Variants in RAB2B observed in about 807,000 individuals in gnomAD.
The protein encoded by RAB2B is RAB2B, member RAS oncogene family, also known as ras-related protein Rab-2B.
In RAB2B, 20 loss-of-function variants were observed where a neutral mutation model predicts 29.8. That is an observed-to-expected ratio of 0.67 (90% CI 0.47 to 0.97). The LOEUF is 0.97. Among genes scored for constraint, RAB2B ranks in the 50% least tolerant of loss-of-function variants. The pLI is 0.00. For synonymous variants in RAB2B, 93 were observed against 91.7 expected (o/e 1.01, Z -0.08); for missense variants, 218 against 272.0 (o/e 0.80, Z 1.40).
intron 3 of RAB2B, chr14:21,474,637 T>C: frequency 2.1e-6 from 1 of 469,214 alleles, no homozygotes; most frequent in Non-Finnish European, 3.8e-6. Flanking sequence ...ATTTATATTG[T>C]TTGATTTTAT....
chr14:21,463,371 C>T (rs572320337), intron 6 of RAB2B, among the ~76,000 whole-genome samples: 11 of 151,798 alleles, frequency 7.2e-5, no homozygotes, highest in African/African-American at 2.7e-4. Context: ...CTCAGCCTCC[C>T]GAGTAACTGG....
rs1183877993 is a variant in RAB2B at position 21,460,314 on chromosome 14, A to G, written c.*882T>C. On this transcript the variant is annotated 3_prime_UTR_variant, in exon 8 of 8. Transcript: ENST00000397762. ...ACGAAATTATTTATTTAGGCCAGGCACGGTGGCTCACACCTGTAATCCAGC... is the reference window on the plus strand; with the variant it reads ...ACGAAATTATTTATTTAGGCCAGGCGCGGTGGCTCACACCTGTAATCCAGC... The G allele has an allele frequency of 1.9e-6, 1 of 516,894 alleles. No homozygotes were observed. The highest frequency in any genetic ancestry group is 2.0e-5 in the Admixed American group (1 of 51,186). The allele number at this position is 516,894 out of a possible 1,614,324, so 32.0% of individuals were successfully genotyped here. A position where few individuals can be genotyped will look rare whatever the true frequency, so the allele number is the denominator to read the frequency against.
At chr14:21,461,737 C>T (rs1890560703) in intron 7 of RAB2B, among the ~76,000 whole-genome samples, 1 of 152,302 alleles carries the variant, frequency 6.6e-6, no homozygotes, top group South Asian at 2.1e-4. Flanking sequence ...CGCCACTGCA[C>T]CCCTGTGCTC....
At chr14:21,461,334 C>T in intron 7 of RAB2B, 31 bp from the exon 8 acceptor site, 1 of 1,530,974 alleles carries the variant, frequency 6.5e-7, no homozygotes, top group Non-Finnish European at 9.0e-7. Context: ...TAGTTCCCAC[C>T]TCAGTGTTAA....
Position 21,463,747 on chromosome 14 carries a change from T to C in RAB2B, c.383A>G (p.Asp128Gly). Residue 128 changes from aspartate (D) to glycine (G), a missense_variant, in exon 6 of 8, where the codon GAT becomes GGT. Asp to Gly is a moderately conservative substitution (Grantham distance 94). Transcript: ENST00000397762. The stretch of plus-strand genomic sequence containing the variant: ...GGCCTCTCCTTCTTCTCTCTTCACA[T>C]CCCTGCGGGACTCTAGGTCACTGCA... ...GNKSDLESRRDVKREEGEAFA... is the reference protein window; with the variant it reads ...GNKSDLESRRGVKREEGEAFA... 6.2e-7 allele frequency: 1 copy of C among 1,612,536 alleles called. No homozygotes were observed. The highest frequency in any genetic ancestry group is 8.5e-7 in the Non-Finnish European group (1 of 1,178,704).
At chr14:21,470,586 T>C (rs796933848) in intron 3 of RAB2B, among the ~76,000 whole-genome samples, 5 of 152,322 alleles carry the variant, frequency 3.3e-5, no homozygotes, top group African/African-American at 1.2e-4. Flanking sequence ...TCCCCTGTCA[T>C]AATACTAATA....
chr14:21,476,116 G>A (rs1029339835), intron 2 of RAB2B, among the ~76,000 whole-genome samples: 11 of 152,204 alleles, frequency 7.2e-5, no homozygotes, highest in African/African-American at 2.7e-4. Context: ...CTAAGGCAGG[G>A]ATGACTCCTC....
Position 21,459,059 on chromosome 14 carries a change from C to T in RAB2B, c.*2137G>A, listed in dbSNP as rs1890475209. 1 of 152,538 alleles carries T rather than the reference C, an allele frequency of 6.6e-6. No individual in the cohort carries two copies. Among genetic ancestry groups the T allele is most frequent in the South Asian group, 2.1e-4 (1 of 4,828 alleles). The allele number at this position is 152,538 out of a possible 1,614,324, so 9.4% of individuals were successfully genotyped here. A position where few individuals can be genotyped will look rare whatever the true frequency, so the allele number is the denominator to read the frequency against. ...GCATATATTTAATAATGAAACAATT[C>T]ATCAACAGCAAAAAGAAAGTAGAAA... On this transcript the variant is annotated 3_prime_UTR_variant, in exon 8 of 8. Transcript: ENST00000397762.
intron 5 of RAB2B, among the ~76,000 whole-genome samples, chr14:21,467,386 T>C (rs938966885): frequency 1.3e-5 from 2 of 152,198 alleles, no homozygotes; most frequent in Admixed American, 6.5e-5. Context: ...CTTGAACTTA[T>C]GGACTCAAGC....
At chr14:21,474,222 A>G (rs986010388) in intron 3 of RAB2B, among the ~76,000 whole-genome samples, 7 of 152,202 alleles carry the variant, frequency 4.6e-5, no homozygotes, top group African/African-American at 1.7e-4. Context: ...AAATTCTGCA[A>G]TACTTAAAAA....
In RAB2B at chr14:21,459,973, GTAA is replaced by G. The variant is rs1309137930; in HGVS notation, c.*1220_*1222del. The G allele has an allele frequency of 3.0e-6, 1 of 336,650 alleles. No individual in the cohort carries two copies. Among genetic ancestry groups the G allele is most frequent in the Admixed American group, 3.9e-5 (1 of 25,906 alleles). 20.9% of individuals were successfully genotyped at this position (336,650 alleles called of 1,614,324 possible). Reference sequence around the variant, plus strand: ...AACAGGGAACAAATGTTTTCTTTAGGTAATAATAAGTGGCCACATGTCCCTGAC... The same window carrying G: ...AACAGGGAACAAATGTTTTCTTTAGGTAATAAGTGGCCACATGTCCCTGAC... On this transcript the variant is annotated 3_prime_UTR_variant, in exon 8 of 8. Transcript: ENST00000397762.
At chr14:21,472,537 T>C (rs1357798311) in intron 3 of RAB2B, among the ~76,000 whole-genome samples, 1 of 152,194 alleles carries the variant, frequency 6.6e-6, no homozygotes. Flanking sequence ...GGACACATTA[T>C]TATACGTATG....
At chr14:21,463,211 T>G (rs980168039) in intron 6 of RAB2B, among the ~76,000 whole-genome samples, 1 of 151,110 alleles carries the variant, frequency 6.6e-6, no homozygotes, top group Non-Finnish European at 1.5e-5. Flanking sequence ...TTAAAAGGAA[T>G]GAGACATGTA....
chr14:21,465,908 T>C (rs1475235865), intron 5 of RAB2B, among the ~76,000 whole-genome samples: 2 of 148,442 alleles, frequency 1.3e-5, no homozygotes, highest in East Asian at 1.9e-4. Flanking sequence ...CCCCAAGTAA[T>C]ACCCTTTTAA....
chr14:21,466,538 G>A (rs569505641), intron 5 of RAB2B, among the ~76,000 whole-genome samples: 1 of 152,108 alleles, frequency 6.6e-6, no homozygotes, highest in South Asian at 2.1e-4. Context: ...ATTAGCCTGT[G>A]GCCACAGTTC....
At chr14:21,465,664 A>G (rs1436681387) in intron 5 of RAB2B, among the ~76,000 whole-genome samples, 4 of 152,110 alleles carry the variant, frequency 2.6e-5, no homozygotes, top group Non-Finnish European at 5.9e-5. Flanking sequence ...CTTCAGGTGT[A>G]TTTATTTATT....
intron 1 of RAB2B, 39 bp downstream of exon 1, chr14:21,476,788 G>GC: frequency 2.6e-6 from 4 of 1,559,528 alleles, no homozygotes; most frequent in Non-Finnish European, 3.5e-6. Context: ...AGCTTCGAAT[G>GC]CCCGCCCGAG....
chr14:21,466,654 C>T (rs1594410305), intron 5 of RAB2B, among the ~76,000 whole-genome samples: 1 of 152,208 alleles, frequency 6.6e-6, no homozygotes, highest in Admixed American at 6.5e-5. Context: ...ATACTTACTA[C>T]ATGAATTACA....
chr14:21,476,384 CACTTCATTA>C, intron 2 of RAB2B, 135 bp downstream of exon 2: 2 of 773,006 alleles, frequency 2.6e-6, no homozygotes, highest in South Asian at 3.4e-5. Context: ...TTTCATTGGT[CACTTCATTA>C]ACATAAGTTT....
Sources: allele counts gnomAD v4.1 joint callset (sites outside exome capture counted in the v4.1 genomes callset), GRCh38; gene constraint gnomAD v4.1.1; transcripts MANE v1.5; gene names NCBI Gene and HGNC (gene_info 2026-07-23, HGNC 2026-07-21).